The following SLC4A10 variants were observed in gnomAD, a reference collection of about 807,000 sequenced individuals.
SLC4A10 encodes sodium-driven chloride bicarbonate exchanger.
Under a neutral mutation model 137.7 loss-of-function variants are expected in SLC4A10, and 42 were observed. The observed-to-expected ratio is 0.30, with a 90% CI of 0.24 to 0.39. The LOEUF is 0.39. Among genes scored for constraint, SLC4A10 ranks in the 10% least tolerant of loss-of-function variants. SLC4A10 has a pLI of 1.00. For missense variants in SLC4A10, 925 were observed against 1,355.0 expected, an observed-to-expected ratio of 0.68 and a Z score of 4.98; for synonymous variants, 474 against 464.1, an observed-to-expected ratio of 1.02 and a Z score of -0.27.
At chr2:161,817,241 C>A (rs1311380806) in intron 3 of SLC4A10, among the ~76,000 whole-genome samples, 1 of 152,198 alleles carries the variant, frequency 6.6e-6, no homozygotes, top group East Asian at 1.9e-4. Context: ...TGATGATGAG[C>A]ATTTTTTCAT....
intron 1 of SLC4A10, among the ~76,000 whole-genome samples, chr2:161,688,152 G>C (rs2041630950): frequency 6.6e-6 from 1 of 152,114 alleles, no homozygotes; most frequent in Admixed American, 6.6e-5. Flanking sequence ...AAATTACTTA[G>C]ACTTTTTTAA....
intron 21 of SLC4A10, among the ~76,000 whole-genome samples, chr2:161,962,012 C>T (rs910344789): frequency 2.0e-5 from 3 of 152,014 alleles, no homozygotes; most frequent in Admixed American, 6.6e-5. Flanking sequence ...GATATTGATA[C>T]TAGGATATAA....
intron 1 of SLC4A10, among the ~76,000 whole-genome samples, chr2:161,633,286 C>G (rs886668067): frequency 1.3e-5 from 2 of 151,722 alleles, no homozygotes; most frequent in Non-Finnish European, 3.0e-5. Flanking sequence ...CTTGTTGCCT[C>G]AATCGGTGGC....
intron 2 of SLC4A10, among the ~76,000 whole-genome samples, chr2:161,771,381 T>C (rs1265377695): frequency 6.6e-6 from 1 of 151,806 alleles, no homozygotes; most frequent in Non-Finnish European, 1.5e-5. Context: ...GCATATCAAG[T>C]GCTGTGTGAG....
chr2:161,752,146 A>T (rs1032713398), intron 1 of SLC4A10, among the ~76,000 whole-genome samples: 1 of 151,996 alleles, frequency 6.6e-6, no homozygotes, highest in African/African-American at 2.4e-5. Flanking sequence ...TTAATTTCCA[A>T]AAAGGAAGTA....
intron 1 of SLC4A10, among the ~76,000 whole-genome samples, chr2:161,652,892 T>C (rs1378235371): frequency 6.6e-6 from 1 of 151,854 alleles, no homozygotes; most frequent in East Asian, 1.9e-4. Context: ...AGGATACATG[T>C]GCATAACGTG....
At chr2:161,772,140 T>TG (rs1332999521) in intron 2 of SLC4A10, among the ~76,000 whole-genome samples, 3 of 151,944 alleles carry the variant, frequency 2.0e-5, no homozygotes, top group East Asian at 1.9e-4. Context: ...TTATGCTTAC[T>TG]GGGGGGGCCT....
chr2:161,745,370 C>T (rs1349657514), intron 1 of SLC4A10, among the ~76,000 whole-genome samples: 1 of 152,124 alleles, frequency 6.6e-6, no homozygotes, highest in African/African-American at 2.4e-5. Flanking sequence ...TTCAGTTTGT[C>T]ACTTGAATTT....
At position 161,872,351 on chromosome 2, in the gene SLC4A10, T is replaced by C; in HGVS notation, c.825T>C (p.Val275=). The part of the protein sequence containing the change: ...APACVENKND[V]SRENSTVDFS... ...CCTGTGTTGAAAATAAAAATGATGT[T>C]AGCAGAGAAAACAGCACTGTTGACT... The change falls in exon 7 of 27, where the codon GTT becomes GTC. Residue 275 remains valine, a synonymous_variant. Coordinates refer to ENST00000446997, the MANE Select transcript of SLC4A10 (RefSeq NM_001178015.2). 1 of 1,613,724 alleles carries C rather than the reference T, an allele frequency of 6.2e-7. No homozygotes were observed. The highest frequency in any genetic ancestry group is 8.5e-7 in the Non-Finnish European group (1 of 1,179,728).
At chr2:161,914,993 G>T (rs561129152) in intron 15 of SLC4A10, among the ~76,000 whole-genome samples, 5 of 152,000 alleles carry the variant, frequency 3.3e-5, no homozygotes, top group African/African-American at 1.2e-4. Flanking sequence ...GTTCTCTTCC[G>T]ATTGGTTCTT....
chr2:161,632,524 A>G (rs1451180772), intron 1 of SLC4A10, among the ~76,000 whole-genome samples: 1 of 151,726 alleles, frequency 6.6e-6, no homozygotes, highest in Non-Finnish European at 1.5e-5. Flanking sequence ...ACTTTGTAGT[A>G]TAACTTTATG....
At position 161,947,600 on chromosome 2, in the gene SLC4A10, G is replaced by T. The variant is rs148092998; in HGVS notation, c.2138G>T (p.Arg713Leu). 6.2e-7 allele frequency: 1 copy of T among 1,612,814 alleles called. No homozygotes were observed. The highest frequency in any genetic ancestry group is 1.3e-5 in the African/African-American group (1 of 74,924). Residue 713 changes from arginine to leucine, a missense_variant, in exon 17 of 27, where the codon CGG (arginine) becomes CTG (leucine). Around this residue, in one of 11 missense-constraint regions of SLC4A10, gnomAD observed 91 missense variants for 95.6 expected, o/e 0.95. Coordinates refer to ENST00000446997, the MANE Select transcript of SLC4A10 (RefSeq NM_001178015.2). The part of the protein sequence containing the change: ...CKSLHGEYVG[R>L]ACGHDHPYVP... Reference sequence around the variant, plus strand: ...TCATTGCATGGAGAGTATGTTGGACGGGCCTGTGGCCATGATCACCCATAT... The same window carrying T: ...TCATTGCATGGAGAGTATGTTGGACTGGCCTGTGGCCATGATCACCCATAT...
intron 1 of SLC4A10, among the ~76,000 whole-genome samples, chr2:161,627,216 A>G (rs897132973): frequency 6.6e-6 from 1 of 152,100 alleles, no homozygotes; most frequent in African/African-American, 2.4e-5. Context: ...TATTGAGAGG[A>G]TGTATAGGTT....
At chr2:161,963,977 A>G (rs564616747) in intron 21 of SLC4A10, among the ~76,000 whole-genome samples, 158 bp from the exon 22 acceptor site, 1 of 152,298 alleles carries the variant, frequency 6.6e-6, no homozygotes, top group East Asian at 1.9e-4. Flanking sequence ...TTCAGAGGGT[A>G]AGCATAACAA....
At chr2:161,648,866 A>T (rs956218303) in intron 1 of SLC4A10, among the ~76,000 whole-genome samples, 6 of 152,096 alleles carry the variant, frequency 3.9e-5, no homozygotes, top group African/African-American at 1.4e-4. Flanking sequence ...ATTGATGGGC[A>T]TTTAGGTCAG....
chr2:161,686,342 T>C (rs1241301879), intron 1 of SLC4A10, among the ~76,000 whole-genome samples: 1 of 152,202 alleles, frequency 6.6e-6, no homozygotes, highest in Non-Finnish European at 1.5e-5. Flanking sequence ...ATAAAAATTA[T>C]AAATTTCTAC....
At chr2:161,733,421 C>T (rs1213508636) in intron 1 of SLC4A10, among the ~76,000 whole-genome samples, 2 of 152,234 alleles carry the variant, frequency 1.3e-5, no homozygotes, top group Non-Finnish European at 2.9e-5. Flanking sequence ...GGTGTTCAGC[C>T]TGCAGGTGCA....
At chr2:161,948,378 G>C (rs1331697238) in intron 17 of SLC4A10, among the ~76,000 whole-genome samples, 1 of 152,020 alleles carries the variant, frequency 6.6e-6, no homozygotes, top group Non-Finnish European at 1.5e-5. Flanking sequence ...CTTCCGAAGG[G>C]GGCTTCTTTT....
intron 23 of SLC4A10, among the ~76,000 whole-genome samples, chr2:161,966,522 C>T (rs915993995): frequency 6.6e-6 from 1 of 151,800 alleles, no homozygotes. Context: ...GAGGCTGAGG[C>T]GGGCAGATCA....
Sources: gnomAD v4.1 joint callset for allele counts (sites outside exome capture counted in the v4.1 genomes callset) on GRCh38, gnomAD v4.1.1 for gene constraint, gnomAD v4.1.1 regional missense constraint, MANE v1.5 for transcripts, NCBI Gene and HGNC (gene_info 2026-07-23, HGNC 2026-07-21) for gene names.